SERPINB8: variants seen among roughly 807,000 people sequenced by gnomAD.
SERPINB8 encodes the protein serpin family B member 8.
Under a neutral mutation model 35.3 loss-of-function variants are expected in SERPINB8, and 25 were observed. The ratio of observed to expected loss-of-function variants is 0.71; its 90% CI spans 0.52 to 0.99. The LOEUF (loss-of-function observed/expected upper bound fraction) is 0.99, where lower values mean the gene tolerates loss of function less well. Ranked by LOEUF, SERPINB8 falls within the 50% of genes least tolerant of loss-of-function variation. The pLI is 0.00. For synonymous variants in SERPINB8, 186 were observed against 160.8 expected (o/e 1.16, Z -1.19); for missense variants, 484 against 446.5 (o/e 1.08, Z -0.76).
At chr18:64,010,210 C>T (rs75568089), downstream of SERPINB8, among the ~76,000 whole-genome samples, 2,218 of 152,096 alleles carry the variant, frequency 0.015, 58 homozygotes, top group African/African-American at 0.051. Context: ...TAAGAGAAAA[C>T]AAACTAAAAT....
chr18:64,006,051 G>T (rs1248298054), downstream of SERPINB8, among the ~76,000 whole-genome samples: 1 of 152,128 alleles, frequency 6.6e-6, no homozygotes, highest in Non-Finnish European at 1.5e-5. Context: ...TTGAAAAATT[G>T]TCAAGAGGCT....
downstream of SERPINB8, among the ~76,000 whole-genome samples, chr18:64,006,746 C>T (rs115885645): frequency 2.0e-5 from 3 of 152,212 alleles, no homozygotes; most frequent in African/African-American, 7.2e-5. Context: ...TTGAAAATCA[C>T]TAGGTATATA....
At chr18:63,979,712 GT>G (rs199533405) in intron 2 of SERPINB8, 88 bp from the exon 3 acceptor site, 9 of 1,510,658 alleles carry the variant, frequency 6.0e-6, no homozygotes, top group South Asian at 1.2e-5. Flanking sequence ...ATCCTGTGTG[GT>G]TTTTTTAGTA....
chr18:64,002,206 CACTT>C (rs1568284477), intron 1 of SERPINB8, among the ~76,000 whole-genome samples: 1 of 152,174 alleles, frequency 6.6e-6, no homozygotes, highest in Non-Finnish European at 1.5e-5. Context: ...GAACCACTCA[CACTT>C]AGCACCGTGG....
At chr18:64,009,569 G>C (rs563057189), downstream of SERPINB8, among the ~76,000 whole-genome samples, 1 of 152,344 alleles carries the variant, frequency 6.6e-6, no homozygotes, top group African/African-American at 2.4e-5. Context: ...AGATGATAAA[G>C]AACTGGCATT....
intron 3 of SERPINB8, 113 bp downstream of exon 3, chr18:63,980,051 C>A: frequency 9.7e-7 from 1 of 1,031,138 alleles, no homozygotes; most frequent in Non-Finnish European, 1.4e-6. Flanking sequence ...AATTACACTT[C>A]TGAAATTACA....
At chr18:63,990,077 T>TTG (rs1568281059), downstream of SERPINB8, among the ~76,000 whole-genome samples, 1 of 148,868 alleles carries the variant, frequency 6.7e-6, no homozygotes, top group Non-Finnish European at 1.5e-5. Flanking sequence ...TCGTGTTTTT[T>TTG]TTTTTTTTTT....
chr18:63,975,778 G>T (rs961527325), intron 1 of SERPINB8, among the ~76,000 whole-genome samples: 15 of 152,166 alleles, frequency 9.9e-5, no homozygotes, highest in African/African-American at 2.6e-4. Context: ...AGGAGGAAGC[G>T]AAATATCTTA....
intron 2 of SERPINB8, 103 bp downstream of exon 2, chr18:63,978,579 G>A: frequency 7.6e-7 from 1 of 1,319,110 alleles, no homozygotes; most frequent in South Asian, 1.3e-5. Context: ...TGTGGAGCTG[G>A]AGGTAGAAGG....
chr18:63,996,495 G>GCCAGCC (rs1466974550), intron 1 of SERPINB8, among the ~76,000 whole-genome samples: 38 of 152,158 alleles, frequency 2.5e-4, no homozygotes, highest in Non-Finnish European at 5.3e-4. Flanking sequence ...CCTTTATGTG[G>GCCAGCC]AATGGGTTGC....
intron 1 of SERPINB8, among the ~76,000 whole-genome samples, chr18:63,976,416 C>T (rs1289826818): frequency 1.3e-5 from 2 of 152,072 alleles, no homozygotes; most frequent in South Asian, 2.1e-4. Flanking sequence ...GCAAGGTGCC[C>T]CCCTAGATTA....
chr18:63,983,206 G>A (rs1012282900), intron 4 of SERPINB8, among the ~76,000 whole-genome samples: 2 of 152,124 alleles, frequency 1.3e-5, no homozygotes, highest in African/African-American at 4.8e-5. Flanking sequence ...GTGAGGCTTG[G>A]ATATGATAGT....
chr18:64,009,914 G>A (rs2050918221), downstream of SERPINB8, among the ~76,000 whole-genome samples: 1 of 151,954 alleles, frequency 6.6e-6, no homozygotes, highest in African/African-American at 2.4e-5. Flanking sequence ...AAAACAATAA[G>A]AGGAAACAAT....
At chr18:64,009,917 G>A (rs2050918245), downstream of SERPINB8, among the ~76,000 whole-genome samples, 1 of 151,690 alleles carries the variant, frequency 6.6e-6, no homozygotes, top group Non-Finnish European at 1.5e-5. Context: ...ACAATAAGAG[G>A]AAACAATTGA....
At chr18:63,991,646 CCT>C (rs2050825490), downstream of SERPINB8, among the ~76,000 whole-genome samples, 1 of 150,348 alleles carries the variant, frequency 6.7e-6, no homozygotes, top group Non-Finnish European at 1.5e-5. Flanking sequence ...GACAAAATTT[CCT>C]CTTTCTTTCA....
At chr18:63,978,205 A>T in intron 1 of SERPINB8, 94 bp from the exon 2 acceptor site, 1 of 1,362,814 alleles carries the variant, frequency 7.3e-7, no homozygotes, top group Non-Finnish European at 1.0e-6. Flanking sequence ...TCTTCCACCT[A>T]CCACCTCAGC....
chr18:63,996,547 C>CGTGGTG (rs2050850408), intron 1 of SERPINB8, among the ~76,000 whole-genome samples: 1 of 152,208 alleles, frequency 6.6e-6, no homozygotes, highest in Non-Finnish European at 1.5e-5. Context: ...CCTAAATTCC[C>CGTGGTG]CACATAGCTG....
intron 1 of SERPINB8, among the ~76,000 whole-genome samples, chr18:63,974,858 T>C (rs1299983440): frequency 6.6e-6 from 1 of 151,984 alleles, no homozygotes; most frequent in Non-Finnish European, 1.5e-5. Context: ...TGTGTGTGAG[T>C]GTGTGCACAT....
At chr18:63,990,629 T>C (rs982334996), downstream of SERPINB8, among the ~76,000 whole-genome samples, 1 of 152,104 alleles carries the variant, frequency 6.6e-6, no homozygotes. Flanking sequence ...ACTCGTCATT[T>C]AACTTTAGGT....
Sources: gnomAD v4.1 joint callset for allele counts (sites outside exome capture counted in the v4.1 genomes callset) on GRCh38, gnomAD v4.1.1 for gene constraint, MANE v1.5 for transcripts, NCBI Gene and HGNC (gene_info 2026-07-23, HGNC 2026-07-21) for gene names.